Variants in MLLT10 observed in about 807,000 individuals in gnomAD.
MLLT10 encodes the protein protein AF-10.
MLLT10 carries 30 observed loss-of-function variants against 129.1 expected under a neutral mutation model. That is an observed-to-expected ratio of 0.23 (90% CI 0.17 to 0.32). The LOEUF is 0.32. MLLT10 is among the 10% of genes least tolerant of loss of function. The pLI, the probability that MLLT10 is intolerant of heterozygous loss-of-function variation, is 1.00. For synonymous variants in MLLT10, 490 were observed against 446.4 expected (o/e 1.10, Z -1.23); for missense variants, 1,119 against 1,268.3 (o/e 0.88, Z 1.79).
At chr10:21,535,314 C>T (rs1319732495) in intron 2 of MLLT10, among the ~76,000 whole-genome samples, 1 of 152,100 alleles carries the variant, frequency 6.6e-6, no homozygotes, top group East Asian at 1.9e-4. Context: ...GGCTGGGGGT[C>T]GCCTTGCCTC....
At chr10:21,685,519 G>C (rs745566834) in intron 13 of MLLT10, among the ~76,000 whole-genome samples, 3 of 152,070 alleles carry the variant, frequency 2.0e-5, no homozygotes, top group Non-Finnish European at 4.4e-5. Flanking sequence ...ATTTTTAGTA[G>C]AGACAGGGTT....
At chr10:21,656,115 G>A (rs1402583725) in intron 9 of MLLT10, among the ~76,000 whole-genome samples, 1 of 152,124 alleles carries the variant, frequency 6.6e-6, no homozygotes, top group African/African-American at 2.4e-5. Context: ...GGGTAGAGAG[G>A]TAGTATGGGC....
At chr10:21,669,665 A>T (rs2051184789) in intron 9 of MLLT10, among the ~76,000 whole-genome samples, 1 of 152,184 alleles carries the variant, frequency 6.6e-6, no homozygotes, top group Non-Finnish European at 1.5e-5. Flanking sequence ...ATTTCAAAAC[A>T]TGGTGATTAA....
intron 14 of MLLT10, among the ~76,000 whole-genome samples, chr10:21,716,182 C>T (rs766687041): frequency 6.6e-6 from 1 of 152,212 alleles, no homozygotes; most frequent in Non-Finnish European, 1.5e-5. Flanking sequence ...TGATAGGACT[C>T]TTAAAATTGG....
intron 13 of MLLT10, among the ~76,000 whole-genome samples, chr10:21,691,528 C>G (rs2053848842): frequency 6.6e-6 from 1 of 152,106 alleles, no homozygotes; most frequent in East Asian, 1.9e-4. Context: ...AAAGGTGTAT[C>G]TGAAAGCTTA....
chr10:21,547,377 T>C (rs915834944), intron 3 of MLLT10, among the ~76,000 whole-genome samples: 2 of 151,746 alleles, frequency 1.3e-5, no homozygotes, highest in African/African-American at 4.8e-5. Context: ...TCTATGTTAT[T>C]GTTGTCTTTA....
chr10:21,597,693 C>A (rs1043442164), intron 5 of MLLT10, among the ~76,000 whole-genome samples: 41 of 152,192 alleles, frequency 2.7e-4, no homozygotes, highest in Admixed American at 1.2e-3. Context: ...TTTTAAATCT[C>A]AAATGGTAAC....
rs1263774319 is a variant in MLLT10 at position 21,662,984 on chromosome 10, C to G, written c.796-7465C>G. ...GCCTGAGGTTGTACATTTCCCTTCC[C>G]TAGGTTAGTTAGGCTCTGACAAAAA... On this transcript the variant is annotated intron_variant, in intron 9 of 22. Transcript: ENST00000307729. Among the ~76,000 whole-genome samples, 20 of 152,148 alleles carry G rather than the reference C, an allele frequency of 1.3e-4. 1 individual carries two copies. The highest frequency in any genetic ancestry group is 1.3e-3 in the Admixed American group (20 of 15,272).
intron 13 of MLLT10, among the ~76,000 whole-genome samples, chr10:21,690,849 C>T (rs1043269779): frequency 5.3e-5 from 8 of 151,978 alleles, no homozygotes; most frequent in African/African-American, 1.9e-4. Flanking sequence ...TGTGTTGATT[C>T]AGGTCCTTAT....
At chr10:21,644,925 C>T (rs540798489) in intron 8 of MLLT10, among the ~76,000 whole-genome samples, 3 of 152,244 alleles carry the variant, frequency 2.0e-5, no homozygotes, top group South Asian at 4.1e-4. Context: ...GCCACTGCAC[C>T]GGGCCCCCTA....
intron 13 of MLLT10, among the ~76,000 whole-genome samples, chr10:21,710,181 G>A (rs1466175034): frequency 6.6e-6 from 1 of 152,126 alleles, no homozygotes; most frequent in Non-Finnish European, 1.5e-5. Context: ...CTCTTCTCTT[G>A]ATCATGCTGA....
At chr10:21,544,839 A>G (rs1255022773) in intron 3 of MLLT10, among the ~76,000 whole-genome samples, 2 of 152,156 alleles carry the variant, frequency 1.3e-5, no homozygotes, top group Non-Finnish European at 2.9e-5. Flanking sequence ...GTTGGTTTTG[A>G]TGCTGCTAAA....
chr10:21,698,732 A>T (rs186139846), intron 13 of MLLT10, among the ~76,000 whole-genome samples: 1 of 152,232 alleles, frequency 6.6e-6, no homozygotes, highest in African/African-American at 2.4e-5. Context: ...CCTCAGCAAC[A>T]TCTGTCATTT....
At chr10:21,666,657 G>A (rs1484132297) in intron 9 of MLLT10, among the ~76,000 whole-genome samples, 1 of 149,184 alleles carries the variant, frequency 6.7e-6, no homozygotes, top group African/African-American at 2.5e-5. Flanking sequence ...GCAAGACTCT[G>A]TCTCAAAAAA....
At chr10:21,643,569 A>G (rs2048216766) in intron 8 of MLLT10, among the ~76,000 whole-genome samples, 1 of 152,106 alleles carries the variant, frequency 6.6e-6, no homozygotes, top group African/African-American at 2.4e-5. Context: ...GATTTCTTTC[A>G]TAATGGAGAA....
At chr10:21,543,002 A>G (rs974624771) in intron 3 of MLLT10, among the ~76,000 whole-genome samples, 1 of 151,316 alleles carries the variant, frequency 6.6e-6, no homozygotes, top group Non-Finnish European at 1.5e-5. Context: ...TGTGTTGCCC[A>G]GGCTGGAGTG....
chr10:21,561,438 T>C (rs2038787848), intron 3 of MLLT10, among the ~76,000 whole-genome samples: 1 of 152,112 alleles, frequency 6.6e-6, no homozygotes, highest in African/African-American at 2.4e-5. Context: ...TTTTTGTATT[T>C]TTAGTAGAGA....
At chr10:21,651,485 G>A (rs2049026908) in intron 8 of MLLT10, among the ~76,000 whole-genome samples, 188 bp from the exon 9 acceptor site, 1 of 152,142 alleles carries the variant, frequency 6.6e-6, no homozygotes, top group South Asian at 2.1e-4. Context: ...GAATAAAAAA[G>A]CTGAACTTAC....
At chr10:21,660,865 C>CT (rs2050117929) in intron 9 of MLLT10, among the ~76,000 whole-genome samples, 1 of 125,136 alleles carries the variant, frequency 8.0e-6, no homozygotes, top group African/African-American at 3.0e-5. Flanking sequence ...AATCAAAACT[C>CT]TGTCTCAAAA....
Sources: allele counts gnomAD v4.1 joint callset (sites outside exome capture counted in the v4.1 genomes callset), GRCh38; gene constraint gnomAD v4.1.1; transcripts MANE v1.5; gene names NCBI Gene and HGNC (gene_info 2026-07-23, HGNC 2026-07-21).